The following ST6GALNAC5 variants were observed in gnomAD, a reference collection of about 807,000 sequenced individuals.
ST6GALNAC5 encodes the protein alpha-N-acetylgalactosaminide alpha-2,6-sialyltransferase 5.
Under a neutral mutation model 33.6 loss-of-function variants are expected in ST6GALNAC5, and 27 were observed. The observed-to-expected ratio is 0.80, with a 90% CI of 0.59 to 1.11. The LOEUF is 1.11. ST6GALNAC5 is among the 50% of genes least tolerant of loss of function. ST6GALNAC5 has a pLI of 0.00. For missense variants in ST6GALNAC5, 428 were observed against 454.0 expected, an observed-to-expected ratio of 0.94 and a Z score of 0.52; for synonymous variants, 194 against 171.2, an observed-to-expected ratio of 1.13 and a Z score of -1.04.
Position 77,033,486 on chromosome 1 carries a change from A to G in ST6GALNAC5, c.262-10718A>G, listed in dbSNP as rs563670801. ...CAACTTCCTCATCTAGTTAAAAAGG[A>G]GAGAATGGTGGAACTTGCCTCTTGG... is the stretch of plus-strand genomic sequence containing the variant. On this transcript the variant is annotated intron_variant, in intron 2 of 4. Transcript: ENST00000477717. Among the ~76,000 whole-genome samples the G allele has an allele frequency of 3.3e-5, 5 of 152,286 alleles. No homozygotes were observed. In the East Asian group the frequency reaches 9.6e-4, roughly 29 times the overall value.
intron 4 of ST6GALNAC5, among the ~76,000 whole-genome samples, chr1:77,062,072 C>T (rs12072474): frequency 0.015 from 2,323 of 152,204 alleles, 57 homozygotes; most frequent in African/African-American, 0.053. Flanking sequence ...AAGAAATTTG[C>T]GTTTAGCTGC....
At chr1:76,948,442 G>A (rs534732044) in intron 2 of ST6GALNAC5, among the ~76,000 whole-genome samples, 11 of 152,186 alleles carry the variant, frequency 7.2e-5, no homozygotes, top group Admixed American at 7.2e-4. Context: ...GAAAGAGAAC[G>A]TTCAGTGAAA....
intron 2 of ST6GALNAC5, among the ~76,000 whole-genome samples, chr1:76,956,565 T>C (rs1048897400): frequency 5.9e-5 from 9 of 152,164 alleles, no homozygotes; most frequent in African/African-American, 1.4e-4. Context: ...TACACTTTCA[T>C]TGTTTCTTTG....
intron 2 of ST6GALNAC5, among the ~76,000 whole-genome samples, chr1:76,962,764 A>C (rs1420253897): frequency 6.6e-6 from 1 of 152,210 alleles, no homozygotes; most frequent in African/African-American, 2.4e-5. Flanking sequence ...TTAAACCAAA[A>C]TACTACATAT....
At chr1:76,956,660 T>C (rs1254632636) in intron 2 of ST6GALNAC5, among the ~76,000 whole-genome samples, 1 of 152,090 alleles carries the variant, frequency 6.6e-6, no homozygotes, top group Non-Finnish European at 1.5e-5. Flanking sequence ...AGGAACTGTT[T>C]TGTCCCATTA....
At chr1:76,962,205 T>G (rs555477262) in intron 2 of ST6GALNAC5, among the ~76,000 whole-genome samples, 2 of 152,208 alleles carry the variant, frequency 1.3e-5, no homozygotes, top group Non-Finnish European at 2.9e-5. Flanking sequence ...GGAAGAAGAT[T>G]GAACAAAACA....
intron 2 of ST6GALNAC5, among the ~76,000 whole-genome samples, chr1:76,925,519 T>C (rs1386383389): frequency 6.6e-6 from 1 of 152,116 alleles, no homozygotes; most frequent in Non-Finnish European, 1.5e-5. Flanking sequence ...AAATTTCAAA[T>C]GACAGAGGCT....
intron 2 of ST6GALNAC5, among the ~76,000 whole-genome samples, chr1:76,918,616 C>CAAAAAA (rs5775368): frequency 6.5e-5 from 5 of 76,570 alleles, no homozygotes; most frequent in African/African-American, 1.7e-4. Flanking sequence ...GACTCCATCT[C>CAAAAAA]AAAAAAAAAA....
chr1:77,062,058 A>G (rs1652595257), intron 4 of ST6GALNAC5, among the ~76,000 whole-genome samples: 1 of 152,196 alleles, frequency 6.6e-6, no homozygotes, highest in South Asian at 2.1e-4. Context: ...TTCCAAACTC[A>G]GAGAAGAAAT....
At chr1:77,051,178 G>A (rs964755921) in intron 4 of ST6GALNAC5, among the ~76,000 whole-genome samples, 1 of 152,120 alleles carries the variant, frequency 6.6e-6, no homozygotes, top group Non-Finnish European at 1.5e-5. Flanking sequence ...TGTTTTATTT[G>A]TTTATTTTTT....
intron 2 of ST6GALNAC5, chr1:76,871,466 A>C (rs2100909865): frequency 6.6e-6 from 1 of 152,368 alleles, no homozygotes; most frequent in Admixed American, 6.5e-5. Context: ...GTAGTGTATA[A>C]GCTCAGTTAC....
chr1:77,008,338 A>T (rs1650504830), intron 2 of ST6GALNAC5, among the ~76,000 whole-genome samples: 1 of 152,154 alleles, frequency 6.6e-6, no homozygotes, highest in Non-Finnish European at 1.5e-5. Context: ...AGAGTCAGAC[A>T]GATGTGTCCG....
In ST6GALNAC5 at chr1:77,066,095, A is replaced by G. The variant is rs199724; in HGVS notation, c.*2889A>G. ...AGGAGGTAAATATTCAGCATGCTGC[A>G]TGGAGACTTAGCTGTGTGATTTCCA... On this transcript the variant is annotated 3_prime_UTR_variant, in exon 5 of 5. Transcript: ENST00000477717. 0.39 allele frequency among the ~76,000 whole-genome samples: 58,636 copies of G among 152,048 alleles called. 12,141 individuals are homozygous for G. Among genetic ancestry groups the G allele is most frequent in the African/African-American group, 0.54 (22,207 of 41,462 alleles).
At chr1:76,895,447 T>C (rs1050590253) in intron 2 of ST6GALNAC5, among the ~76,000 whole-genome samples, 1 of 151,550 alleles carries the variant, frequency 6.6e-6, no homozygotes, top group African/African-American at 2.4e-5. Context: ...AAATATTTGT[T>C]GTGTAGAATT....
chr1:76,956,615 A>T (rs1647999844), intron 2 of ST6GALNAC5, among the ~76,000 whole-genome samples: 1 of 151,932 alleles, frequency 6.6e-6, no homozygotes, highest in Non-Finnish European at 1.5e-5. Context: ...TCCTATTTTG[A>T]CTTGTTGTGT....
chr1:77,064,671 A>G lies in ST6GALNAC5; in HGVS notation c.*1465A>G, dbSNP rs775051690. 6.6e-5 allele frequency: 10 copies of G among 152,188 alleles called. No homozygotes were observed. The highest frequency in any genetic ancestry group is 4.6e-4 in the Admixed American group (7 of 15,284). 9.4% of individuals were successfully genotyped at this position (152,188 alleles called of 1,614,324 possible). ...ATTCATATTATAGATTTTTATTTAAACAAGTAATATTGTTCAAAAATAGTC... is the reference window on the plus strand; with the variant it reads ...ATTCATATTATAGATTTTTATTTAAGCAAGTAATATTGTTCAAAAATAGTC... On this transcript the variant is annotated 3_prime_UTR_variant, in exon 5 of 5. Transcript: ENST00000477717.
At chr1:76,909,530 A>T (rs1646892433) in intron 2 of ST6GALNAC5, among the ~76,000 whole-genome samples, 1 of 152,094 alleles carries the variant, frequency 6.6e-6, no homozygotes, top group African/African-American at 2.4e-5. Context: ...GGTGTGTCAA[A>T]ATGTTAATTT....
chr1:76,913,521 C>G (rs868452045), intron 2 of ST6GALNAC5, among the ~76,000 whole-genome samples: 1 of 152,154 alleles, frequency 6.6e-6, no homozygotes, highest in South Asian at 2.1e-4. Flanking sequence ...TGTTTTCCAA[C>G]TTGGTTCCAT....
At chr1:77,028,212 G>A (rs904049542) in intron 2 of ST6GALNAC5, among the ~76,000 whole-genome samples, 1 of 152,200 alleles carries the variant, frequency 6.6e-6, no homozygotes, top group African/African-American at 2.4e-5. Flanking sequence ...CCAGAAACAA[G>A]CACAAAAGAA....
Sources: allele counts gnomAD v4.1 joint callset (sites outside exome capture counted in the v4.1 genomes callset), GRCh38; gene constraint gnomAD v4.1.1; transcripts MANE v1.5; gene names NCBI Gene and HGNC (gene_info 2026-07-23, HGNC 2026-07-21).